Variants in COL21A1 observed in about 807,000 individuals in gnomAD.
COL21A1 encodes the protein collagen type XXI alpha 1 chain, also known as collagen alpha-1(XXI) chain.
Under a neutral mutation model 137.9 loss-of-function variants are expected in COL21A1, and 149 were observed. That is an observed-to-expected ratio of 1.08 (90% CI 0.95 to 1.24). COL21A1 has a LOEUF of 1.24. Ranked by LOEUF, COL21A1 falls within the 50% of genes most tolerant of loss-of-function variation. The pLI, the probability that COL21A1 is intolerant of heterozygous loss-of-function variation, is 0.00. For missense variants in COL21A1, 1,167 were observed against 1,158.4 expected, an observed-to-expected ratio of 1.01 and a Z score of -0.11; for synonymous variants, 456 against 391.5, an observed-to-expected ratio of 1.16 and a Z score of -1.95.
intron 1 of COL21A1, among the ~76,000 whole-genome samples, chr6:56,269,391 C>T (rs1763468500): frequency 6.6e-6 from 1 of 152,170 alleles, no homozygotes; most frequent in African/African-American, 2.4e-5. Flanking sequence ...CGCGGTGGCT[C>T]ACGCCTGTAA....
At chr6:56,185,078 C>G (rs1396832365) in intron 1 of COL21A1, among the ~76,000 whole-genome samples, 2 of 151,462 alleles carry the variant, frequency 1.3e-5, no homozygotes, top group African/African-American at 4.8e-5. Context: ...GCTAAAGCAG[C>G]ACTTACAGAG....
intron 1 of COL21A1, among the ~76,000 whole-genome samples, chr6:56,329,838 T>C (rs1260789933): frequency 1.3e-5 from 2 of 152,096 alleles, no homozygotes; most frequent in Non-Finnish European, 2.9e-5. Flanking sequence ...TAGACCACTG[T>C]AATTTCAGCA....
Position 56,156,338 on chromosome 6 carries a change from G to C in COL21A1, c.1434+549C>G, listed in dbSNP as rs562558555. Reference sequence around the variant, plus strand: ...AACTTAGGCAGCTTTCTTCCTGACTGTGGATCCCTGACCTCCCTTTTCCTT... The same window carrying C: ...AACTTAGGCAGCTTTCTTCCTGACTCTGGATCCCTGACCTCCCTTTTCCTT... On this transcript the variant is annotated intron_variant, in intron 10 of 29. Transcript: ENST00000244728. 4.9e-4 allele frequency among the ~76,000 whole-genome samples: 74 copies of C among 152,294 alleles called. No homozygotes were observed. The Middle Eastern group carries it at 0.01, about 21-fold the overall frequency.
intron 1 of COL21A1, among the ~76,000 whole-genome samples, chr6:56,222,273 CA>C (rs993691128): frequency 2.5e-4 from 36 of 144,388 alleles, no homozygotes; most frequent in East Asian, 2.4e-3. Flanking sequence ...AATTCCGTCT[CA>C]AAAAAAAAAA....
intron 1 of COL21A1, among the ~76,000 whole-genome samples, chr6:56,296,941 C>A (rs899999321): frequency 6.6e-6 from 1 of 151,930 alleles, no homozygotes; most frequent in African/African-American, 2.4e-5. Context: ...GACTAGCAAC[C>A]CAAATTAGGC....
intron 1 of COL21A1, among the ~76,000 whole-genome samples, chr6:56,326,010 T>TATATTATATAATATATATAATATA (rs373148762): frequency 3.3e-4 from 1 of 3,028 alleles, no homozygotes; most frequent in East Asian, 4.5e-3. Flanking sequence ...ACATATATTA[T>TATATTATATAATATATATAATATA]GTATATGTAT....
chr6:56,086,180 G>T (rs941129106), intron 17 of COL21A1, among the ~76,000 whole-genome samples: 7 of 151,814 alleles, frequency 4.6e-5, no homozygotes, highest in African/African-American at 7.3e-5. Context: ...TATAACCTTT[G>T]AACAAAATTC....
chr6:56,370,367 G>A (rs1333075500), intron 1 of COL21A1, among the ~76,000 whole-genome samples: 4 of 152,164 alleles, frequency 2.6e-5, no homozygotes, highest in Admixed American at 2.0e-4. Context: ...GAGCCTCTCT[G>A]TAAAATGTGA....
chr6:56,290,666 AT>A (rs2152335511), intron 1 of COL21A1, among the ~76,000 whole-genome samples: 1 of 151,710 alleles, frequency 6.6e-6, no homozygotes, highest in African/African-American at 2.4e-5. Context: ...TGCCCAGTTA[AT>A]TTTTTTGTAT....
chr6:56,263,145 C>T (rs1763319119), intron 1 of COL21A1, among the ~76,000 whole-genome samples: 1 of 152,224 alleles, frequency 6.6e-6, no homozygotes, highest in Admixed American at 6.5e-5. Context: ...TAGCACCTAT[C>T]ACAAATACAG....
At chr6:56,269,654 C>CAAAAA (rs70986792) in intron 1 of COL21A1, among the ~76,000 whole-genome samples, 1 of 64,050 alleles carries the variant, frequency 1.6e-5, no homozygotes, top group Non-Finnish European at 2.7e-5. Flanking sequence ...GACTCCGTCT[C>CAAAAA]AAAAAAAAAA....
chr6:56,291,254 G>A (rs1211770082), intron 1 of COL21A1, among the ~76,000 whole-genome samples: 3 of 152,166 alleles, frequency 2.0e-5, no homozygotes, highest in Admixed American at 6.6e-5. Flanking sequence ...TCTAGAGTTA[G>A]GGGAACAAAA....
chr6:56,079,300 G>A lies in COL21A1; in HGVS notation c.1813-1727C>T, dbSNP rs1282748472. Among the ~76,000 whole-genome samples the A allele has an allele frequency of 2.0e-5, 3 of 151,622 alleles. No individual in the cohort carries two copies. In the South Asian group the frequency reaches 6.2e-4, roughly 31 times the overall value. Reference sequence around the variant, plus strand: ...AACCTTGGCTCCCAGAGTCCCTAACGGGCACATGTGATTACCGATGACAGT... The same window carrying A: ...AACCTTGGCTCCCAGAGTCCCTAACAGGCACATGTGATTACCGATGACAGT... On this transcript the variant is annotated intron_variant, in intron 17 of 29. Transcript: ENST00000244728.
intron 12 of COL21A1, among the ~76,000 whole-genome samples, chr6:56,129,487 A>C (rs1773320827): frequency 6.6e-6 from 1 of 152,216 alleles, no homozygotes; most frequent in Admixed American, 6.5e-5. Context: ...TTTCTCATTT[A>C]AACTACTGCA....
intron 1 of COL21A1, among the ~76,000 whole-genome samples, chr6:56,365,792 G>C (rs1020354607): frequency 2.6e-5 from 4 of 152,008 alleles, no homozygotes; most frequent in Admixed American, 1.3e-4. Context: ...TGACCTGATG[G>C]GTTTAACTCT....
chr6:56,259,334 A>G (rs1763191326), intron 1 of COL21A1, among the ~76,000 whole-genome samples: 1 of 152,030 alleles, frequency 6.6e-6, no homozygotes, highest in Non-Finnish European at 1.5e-5. Context: ...CTCCATCTCC[A>G]TTTGTTGCTT....
chr6:56,193,190 T>C (rs1274892856), intron 1 of COL21A1, among the ~76,000 whole-genome samples: 1 of 151,986 alleles, frequency 6.6e-6, no homozygotes, highest in African/African-American at 2.4e-5. Context: ...AGGGATAGCA[T>C]TAGGAGAAAT....
chr6:56,284,278 G>C (rs767168807), intron 1 of COL21A1, among the ~76,000 whole-genome samples: 1 of 152,046 alleles, frequency 6.6e-6, no homozygotes, highest in Non-Finnish European at 1.5e-5. Context: ...GGTCTCTAAC[G>C]TCTGAGCTCA....
chr6:56,198,986 G>A (rs1462380567), intron 1 of COL21A1, among the ~76,000 whole-genome samples: 2 of 151,862 alleles, frequency 1.3e-5, no homozygotes, highest in Non-Finnish European at 2.9e-5. Context: ...ATGATATTTG[G>A]AGTCAGAGAT....
Sources: allele counts gnomAD v4.1 joint callset (sites outside exome capture counted in the v4.1 genomes callset), GRCh38; gene constraint gnomAD v4.1.1; transcripts MANE v1.5; gene names NCBI Gene and HGNC (gene_info 2026-07-23, HGNC 2026-07-21).